Variants in SGCG observed in about 807,000 individuals in gnomAD.
SGCG encodes sarcoglycan gamma.
SGCG carries 26 observed loss-of-function variants against 29.3 expected under a neutral mutation model. The observed-to-expected ratio is 0.89, with a 90% CI of 0.65 to 1.23. SGCG has a LOEUF of 1.23. Ranked by LOEUF, SGCG falls within the 50% of genes most tolerant of loss-of-function variation. SGCG has a pLI of 0.00. For missense variants in SGCG, 353 were observed against 356.0 expected, an observed-to-expected ratio of 0.99 and a Z score of 0.07; for synonymous variants, 145 against 129.7, an observed-to-expected ratio of 1.12 and a Z score of -0.80.
At position 23,248,397 on chromosome 13, in the gene SGCG, G is replaced by A. The variant is rs1879806586; in HGVS notation, c.298-2233G>A. Among the ~76,000 whole-genome samples the A allele has an allele frequency of 1.3e-5, 2 of 152,064 alleles. 1 individual carries two copies. Among genetic ancestry groups the A allele is most frequent in the Non-Finnish European group, 2.9e-5 (2 of 68,002 alleles). On this transcript the variant is annotated intron_variant, in intron 3 of 7. Transcript: ENST00000218867. ...TCTGAGTGTAGTATTATCAAGAGTAGCCTAAATCAAAAAGCACAATCTGGC... is the reference window on the plus strand; with the variant it reads ...TCTGAGTGTAGTATTATCAAGAGTAACCTAAATCAAAAAGCACAATCTGGC...
At chr13:23,303,704 C>T (rs1260289078) in intron 6 of SGCG, among the ~76,000 whole-genome samples, 1 of 152,162 alleles carries the variant, frequency 6.6e-6, no homozygotes, top group Non-Finnish European at 1.5e-5. Context: ...TTACAATGTG[C>T]TTGTGCAGGT....
At chr13:23,226,992 A>C (rs1033298475) in intron 2 of SGCG, among the ~76,000 whole-genome samples, 1 of 152,188 alleles carries the variant, frequency 6.6e-6, no homozygotes, top group Admixed American at 6.5e-5. Context: ...TTTTCTTTTT[A>C]TCTTCACAGT....
At chr13:23,262,458 C>CGTACTT (rs1481623722) in intron 4 of SGCG, among the ~76,000 whole-genome samples, 3 of 151,786 alleles carry the variant, frequency 2.0e-5, no homozygotes, top group Admixed American at 6.6e-5. Context: ...GAAGCTATAA[C>CGTACTT]AATCCTCAAT....
Position 23,324,587 on chromosome 13 carries a change from C to A in SGCG, c.*46C>A. 1 of 1,542,484 alleles carries A rather than the reference C, an allele frequency of 6.5e-7. No homozygotes were observed. The highest frequency in any genetic ancestry group is 8.9e-7 in the Non-Finnish European group (1 of 1,124,910). On this transcript the variant is annotated 3_prime_UTR_variant, in exon 8 of 8. Transcript: ENST00000218867. ...GAGCTGTGCAGTGCCGGCCCCAGAT[C>A]CTCACACCCAGGGAGCAGCTGCACA...
chr13:23,260,707 T>A (rs1880397634), intron 4 of SGCG, among the ~76,000 whole-genome samples: 1 of 152,222 alleles, frequency 6.6e-6, no homozygotes, highest in Admixed American at 6.5e-5. Flanking sequence ...CCATGTTTAG[T>A]GCTTCCTTCA....
the SGCG span, among the ~76,000 whole-genome samples, chr13:23,163,565 G>GTC: frequency 6.6e-6 from 1 of 152,086 alleles, no homozygotes; most frequent in Non-Finnish European, 1.5e-5. Flanking sequence ...GTTGCTTCAG[G>GTC]TACAAAACCT....
At chr13:23,177,053 G>T (rs1426550976), upstream of SGCG, among the ~76,000 whole-genome samples, 1 of 152,146 alleles carries the variant, frequency 6.6e-6, no homozygotes, top group East Asian at 1.9e-4. Context: ...TTAAAAGAAG[G>T]AAATCCTGTC....
chr13:23,201,486 C>A (rs1338231806), intron 1 of SGCG, among the ~76,000 whole-genome samples: 2 of 152,034 alleles, frequency 1.3e-5, no homozygotes, highest in African/African-American at 2.4e-5. Flanking sequence ...CAGACAGAGG[C>A]ATCGGAGCCA....
At chr13:23,290,433 C>T (rs752069179) in intron 5 of SGCG, among the ~76,000 whole-genome samples, 2 of 152,076 alleles carry the variant, frequency 1.3e-5, no homozygotes, top group African/African-American at 4.8e-5. Context: ...TTACGATAAT[C>T]GTTTTTCTGG....
At chr13:23,322,582 T>C (rs921166210) in intron 7 of SGCG, among the ~76,000 whole-genome samples, 1 of 152,028 alleles carries the variant, frequency 6.6e-6, no homozygotes, top group Non-Finnish European at 1.5e-5. Flanking sequence ...GATCATAGAG[T>C]CATTCTCAGG....
chr13:23,304,024 A>C (rs1490398332), intron 6 of SGCG, among the ~76,000 whole-genome samples: 1 of 152,152 alleles, frequency 6.6e-6, no homozygotes, highest in Non-Finnish European at 1.5e-5. Context: ...GCAACTTTTC[A>C]TATGTTTAAA....
intron 6 of SGCG, among the ~76,000 whole-genome samples, chr13:23,300,359 C>T (rs1343791844): frequency 6.6e-6 from 1 of 152,188 alleles, no homozygotes; most frequent in South Asian, 2.1e-4. Context: ...CTAAGCTACT[C>T]ATAGAGAAAT....
chr13:23,177,835 T>A (rs979193666), upstream of SGCG, among the ~76,000 whole-genome samples: 1 of 151,978 alleles, frequency 6.6e-6, no homozygotes, highest in Non-Finnish European at 1.5e-5. Context: ...CACCTTGGCC[T>A]CCCAAAGTGC....
At chr13:23,222,004 A>T (rs6490786) in intron 2 of SGCG, among the ~76,000 whole-genome samples, 116,946 of 151,666 alleles carry the variant, frequency 0.77, 45,258 homozygotes, top group East Asian at 0.92. Flanking sequence ...GGATTGCTGA[A>T]GTGGAAGGTG....
chr13:23,181,835 ACTCAG>A (rs1876747642), intron 1 of SGCG, among the ~76,000 whole-genome samples: 1 of 152,198 alleles, frequency 6.6e-6, no homozygotes, highest in Non-Finnish European at 1.5e-5. Context: ...GAAAAATATA[ACTCAG>A]CTGACTGAAA....
At chr13:23,293,830 T>TA (rs10579291) in intron 5 of SGCG, among the ~76,000 whole-genome samples, 1,753 of 143,134 alleles carry the variant, frequency 0.012, 23 homozygotes, top group African/African-American at 0.029. Flanking sequence ...GATTCCGTCT[T>TA]AAAAAAAAAA....
chr13:23,232,197 C>T (rs1474194472), intron 2 of SGCG, among the ~76,000 whole-genome samples: 1 of 152,064 alleles, frequency 6.6e-6, no homozygotes, highest in African/African-American at 2.4e-5. Context: ...GTGGGGCTTC[C>T]ACATGCACAC....
chr13:23,208,459 A>G (rs1878066044), intron 2 of SGCG, among the ~76,000 whole-genome samples: 1 of 152,130 alleles, frequency 6.6e-6, no homozygotes. Context: ...ACGCATAAGG[A>G]CACCAAAGAA....
chr13:23,248,032 T>A (rs1054699268), intron 3 of SGCG, among the ~76,000 whole-genome samples: 2 of 139,022 alleles, frequency 1.4e-5, no homozygotes, highest in African/African-American at 5.1e-5. Flanking sequence ...CCCAGCACTT[T>A]GGAAGGCCAA....
Sources: allele counts gnomAD v4.1 joint callset (sites outside exome capture counted in the v4.1 genomes callset), GRCh38; gene constraint gnomAD v4.1.1; transcripts MANE v1.5; gene names NCBI Gene and HGNC (gene_info 2026-07-23, HGNC 2026-07-21).